The following C1orf141 variants were observed in gnomAD, a reference collection of about 807,000 sequenced individuals.
C1orf141 encodes chromosome 1 open reading frame 141.
C1orf141 carries 19 observed loss-of-function variants against 23.2 expected under a neutral mutation model. The observed-to-expected ratio is 0.82, with a 90% CI of 0.57 to 1.20. The LOEUF is 1.20. Ranked by LOEUF, C1orf141 falls within the 50% of genes most tolerant of loss-of-function variation. The pLI is 0.00. For synonymous variants in C1orf141, 153 were observed against 154.6 expected, an observed-to-expected ratio of 0.99 and a Z score of 0.08; for missense variants, 469 against 455.1, an observed-to-expected ratio of 1.03 and a Z score of -0.28.
intron 2 of C1orf141, among the ~76,000 whole-genome samples, chr1:67,128,353 CTTTATTTATTTATTTA>C (rs142954688): frequency 0.11 from 16,881 of 147,456 alleles, 1,111 homozygotes; most frequent in Middle Eastern, 0.22. Flanking sequence ...CCAAAGCTCC[CTTTATTTATTTATTTA>C]TTTATTTATT....
intron 6 of C1orf141, 173 bp from the exon 7 acceptor site, chr1:67,095,594 C>G (rs1387163635): frequency 2.0e-6 from 1 of 503,204 alleles, no homozygotes; most frequent in East Asian, 3.1e-5. Flanking sequence ...TGGGAGAAAA[C>G]AGCAAGAGTA....
At chr1:67,132,501 T>G (rs1273919126) in intron 1 of C1orf141, among the ~76,000 whole-genome samples, 3 of 151,540 alleles carry the variant, frequency 2.0e-5, no homozygotes, top group East Asian at 3.9e-4. Context: ...CCAGCCTGGG[T>G]GACGAGCGAG....
intron 5 of C1orf141, among the ~76,000 whole-genome samples, chr1:67,098,418 A>G (rs1307194755): frequency 6.6e-6 from 1 of 152,172 alleles, no homozygotes; most frequent in Admixed American, 6.5e-5. Flanking sequence ...GCTACTTGGG[A>G]GACTAAGGCA....
chr1:67,099,543 C>G (rs10749767), intron 5 of C1orf141, among the ~76,000 whole-genome samples: 119,347 of 152,188 alleles, frequency 0.78, 46,836 homozygotes, highest in East Asian at 0.85. Context: ...ACTCTGGGAG[C>G]CCAAGACAGG....
chr1:67,097,327 T>C (rs1329545159), intron 5 of C1orf141, among the ~76,000 whole-genome samples: 1 of 152,220 alleles, frequency 6.6e-6, no homozygotes, highest in Non-Finnish European at 1.5e-5. Context: ...CATGGAAGAA[T>C]ATAAACATAG....
intron 5 of C1orf141, among the ~76,000 whole-genome samples, chr1:67,106,339 A>G (rs915380082): frequency 6.6e-6 from 1 of 152,158 alleles, no homozygotes; most frequent in Non-Finnish European, 1.5e-5. Flanking sequence ...TAGATTTTAT[A>G]GCAGCTATTA....
At chr1:67,140,288 CA>C (rs559765149) in intron 1 of C1orf141, among the ~76,000 whole-genome samples, 103 of 151,700 alleles carry the variant, frequency 6.8e-4, no homozygotes, top group African/African-American at 2.4e-3. Flanking sequence ...TTCTGTATGT[CA>C]AAAAAAGTCA....
At chr1:67,123,815 T>C (rs1646349646) in intron 4 of C1orf141, 1 of 152,244 alleles carries the variant, frequency 6.6e-6, no homozygotes, top group South Asian at 2.1e-4. Context: ...TTCTTCCAGA[T>C]ATCTCTACCT....
intron 3 of C1orf141, 43 bp downstream of exon 3, chr1:67,127,123 C>A (rs776853926): frequency 7.9e-7 from 1 of 1,270,862 alleles, no homozygotes; most frequent in Admixed American, 2.1e-5. Context: ...GAAATGTTAA[C>A]CTGTTAATGA....
intron 5 of C1orf141, among the ~76,000 whole-genome samples, chr1:67,104,708 T>G (rs1645881028): frequency 1.3e-5 from 2 of 152,206 alleles, no homozygotes; most frequent in African/African-American, 4.8e-5. Context: ...GTTCTTTTTA[T>G]AAGCTGGCAT....
At chr1:67,126,065 T>C (rs188014144) in intron 3 of C1orf141, among the ~76,000 whole-genome samples, 156 bp from the exon 4 acceptor site, 2 of 151,328 alleles carry the variant, frequency 1.3e-5, no homozygotes, top group East Asian at 3.9e-4. Context: ...AGACTGAAAA[T>C]TGGGGGTCTA....
At chr1:67,100,885 C>G (rs1042672681) in intron 5 of C1orf141, among the ~76,000 whole-genome samples, 12 of 152,108 alleles carry the variant, frequency 7.9e-5, no homozygotes, top group Non-Finnish European at 1.2e-4. Context: ...GAAGCTGGAG[C>G]CCTGGAAGAT....
intron 5 of C1orf141, among the ~76,000 whole-genome samples, chr1:67,100,161 TC>T (rs1297946745): frequency 6.6e-6 from 1 of 152,196 alleles, no homozygotes; most frequent in Non-Finnish European, 1.5e-5. Context: ...CAGATCGTTT[TC>T]CCCTGCCCCC....
intron 5 of C1orf141, among the ~76,000 whole-genome samples, chr1:67,113,988 C>G (rs1646135123): frequency 6.6e-6 from 1 of 152,128 alleles, no homozygotes; most frequent in Admixed American, 6.5e-5. Flanking sequence ...CACTTTTTCC[C>G]TGAGAGTATT....
intron 6 of C1orf141, 190 bp from the exon 7 acceptor site, chr1:67,095,611 G>A: frequency 4.2e-6 from 2 of 481,912 alleles, no homozygotes; most frequent in Admixed American, 7.7e-5. Flanking sequence ...AGTAGGAGTG[G>A]AAGCAAGAGA....
At chr1:67,109,767 G>T (rs1222977035) in intron 5 of C1orf141, among the ~76,000 whole-genome samples, 1 of 151,942 alleles carries the variant, frequency 6.6e-6, no homozygotes, top group Non-Finnish European at 1.5e-5. Context: ...AGTGCTTGAG[G>T]CACATATGCA....
At chr1:67,140,405 C>T (rs1319526926) in intron 1 of C1orf141, among the ~76,000 whole-genome samples, 1 of 152,026 alleles carries the variant, frequency 6.6e-6, no homozygotes, top group Non-Finnish European at 1.5e-5. Flanking sequence ...AGAATGTATG[C>T]TGAATATAGT....
chr1:67,124,979 C>A (rs1646376470), intron 4 of C1orf141, among the ~76,000 whole-genome samples: 1 of 152,132 alleles, frequency 6.6e-6, no homozygotes, highest in African/African-American at 2.4e-5. Flanking sequence ...CTTCTTTTTT[C>A]TGAACTCTCC....
intron 1 of C1orf141, among the ~76,000 whole-genome samples, chr1:67,141,174 T>G (rs1646633860): frequency 6.6e-6 from 1 of 152,204 alleles, no homozygotes; most frequent in South Asian, 2.1e-4. Context: ...AGACAAAGTA[T>G]AAGTCTCTGT....
Sources: allele counts gnomAD v4.1 joint callset (sites outside exome capture counted in the v4.1 genomes callset), GRCh38; gene constraint gnomAD v4.1.1; transcripts MANE v1.5; gene names NCBI Gene and HGNC (gene_info 2026-07-23, HGNC 2026-07-21).